NUDT2: variants seen among roughly 807,000 people sequenced by gnomAD.
NUDT2 encodes nudix hydrolase 2.
A neutral mutation model predicts 14.2 loss-of-function variants in NUDT2; 12 were observed. The observed-to-expected ratio is 0.84, with a 90% CI of 0.54 to 1.37. The LOEUF (loss-of-function observed/expected upper bound fraction) is 1.37. Ranked by LOEUF, NUDT2 falls within the 40% of genes most tolerant of loss-of-function variation. NUDT2 has a pLI of 0.00. For synonymous variants in NUDT2, 67 were observed against 67.4 expected, an observed-to-expected ratio of 0.99 and a Z score of 0.03; for missense variants, 167 against 176.7, an observed-to-expected ratio of 0.95 and a Z score of 0.31.
chr9:34,333,577 C>T (rs1359191892), intron 1 of NUDT2, among the ~76,000 whole-genome samples: 1 of 125,970 alleles, frequency 7.9e-6, no homozygotes, highest in Non-Finnish European at 1.6e-5. Flanking sequence ...GCAGTGAGCT[C>T]TTGAGGCTGC....
intron 4 of NUDT2, among the ~76,000 whole-genome samples, chr9:34,339,406 G>A (rs1004691829): frequency 5.9e-5 from 9 of 152,092 alleles, no homozygotes; most frequent in East Asian, 1.9e-4. Flanking sequence ...AGTATCATTC[G>A]CCAGCTCTCC....
chr9:34,330,747 G>T (rs1481529478), intron 1 of NUDT2, among the ~76,000 whole-genome samples: 1 of 152,030 alleles, frequency 6.6e-6, no homozygotes, highest in African/African-American at 2.4e-5. Context: ...GGATCACGAG[G>T]TCAGGAGATC....
chr9:34,331,742 A>G (rs2131851379), intron 1 of NUDT2, among the ~76,000 whole-genome samples: 1 of 152,340 alleles, frequency 6.6e-6, no homozygotes, highest in Non-Finnish European at 1.5e-5. Flanking sequence ...ATAGGATGAG[A>G]TGATCACTGA....
chr9:34,332,516 AACAG>A (rs1447023897), intron 1 of NUDT2, among the ~76,000 whole-genome samples: 2 of 152,204 alleles, frequency 1.3e-5, no homozygotes, highest in Non-Finnish European at 1.5e-5. Flanking sequence ...GGATACGCAC[AACAG>A]ACAAATTCCC....
Position 34,338,772 on chromosome 9 carries a change from G to T in NUDT2, c.-92G>T. 3.8e-6 allele frequency: 1 copy of T among 266,116 alleles called. No homozygotes were observed. The highest frequency in any genetic ancestry group is 7.2e-6 in the Non-Finnish European group (1 of 138,498). 16.5% of individuals were successfully genotyped at this position (266,116 alleles called of 1,614,324 possible). On this transcript the variant is annotated 5_prime_UTR_variant, in exon 3 of 5. The change creates a new upstream start codon in the 5' untranslated region. Transcript: ENST00000379158. ...AAACACATGCCAGCCCTGTTTTACAGGGAGCCCTGGAGGAGTTGGGATAGA... is the reference window on the plus strand; with the variant it reads ...AAACACATGCCAGCCCTGTTTTACATGGAGCCCTGGAGGAGTTGGGATAGA...
intron 4 of NUDT2, among the ~76,000 whole-genome samples, chr9:34,339,991 G>A (rs958883914): frequency 1.3e-5 from 2 of 151,716 alleles, no homozygotes; most frequent in Non-Finnish European, 2.9e-5. Flanking sequence ...CTGGAGAGCA[G>A]TGGGGCAATC....
chr9:34,331,643 C>T (rs546434241), intron 1 of NUDT2, among the ~76,000 whole-genome samples: 1 of 152,126 alleles, frequency 6.6e-6, no homozygotes, highest in East Asian at 1.9e-4. Flanking sequence ...AAATTTTCAC[C>T]GTGGTCTTGG....
chr9:34,333,644 CAAAAAAAAAAA>C (rs34830977), intron 1 of NUDT2, among the ~76,000 whole-genome samples: 119 of 47,116 alleles, frequency 2.5e-3, no homozygotes, highest in African/African-American at 8.9e-3. Context: ...GAGACATTGT[CAAAAAAAAAAA>C]AAAAAAAAAA....
In NUDT2 at chr9:34,339,015, TTTG is replaced by T. The variant is rs1232456001; in HGVS notation, c.-16-6_-16-4del. 4 of 1,598,770 alleles carry T rather than the reference TTTG, an allele frequency of 2.5e-6. No individual in the cohort carries two copies. The South Asian group carries it at 4.4e-5, about 18-fold the overall frequency. On this transcript the variant is annotated splice_region_variant and splice_polypyrimidine_tract_variant and intron_variant, in intron 3 of 4. Transcript: ENST00000379158. ...TAACTTCCCAATATTCTGTATCTTC[TTTG>T]TTAAGTCCTTAGGATAAGACCATGG...
chr9:34,329,961 A>C (rs116060961), intron 1 of NUDT2, among the ~76,000 whole-genome samples: 91 of 152,352 alleles, frequency 6.0e-4, no homozygotes, highest in African/African-American at 2.1e-3. Flanking sequence ...GTTGCTACCC[A>C]TTAAACCCCG....
intron 1 of NUDT2, among the ~76,000 whole-genome samples, chr9:34,332,553 A>G (rs1837973543): frequency 6.6e-6 from 1 of 152,214 alleles, no homozygotes; most frequent in South Asian, 2.1e-4. Flanking sequence ...CTAGAATTGT[A>G]CAGCAGATGG....
At chr9:34,330,356 G>A (rs913810641) in intron 1 of NUDT2, among the ~76,000 whole-genome samples, 9 of 152,214 alleles carry the variant, frequency 5.9e-5, no homozygotes, top group Non-Finnish European at 1.3e-4. Context: ...AGTGAGCGGA[G>A]GTCGCGCCAC....
intron 1 of NUDT2, among the ~76,000 whole-genome samples, chr9:34,330,956 G>A (rs926529625): frequency 6.6e-6 from 1 of 150,404 alleles, no homozygotes; most frequent in African/African-American, 2.5e-5. Flanking sequence ...GGGAGACTCC[G>A]TCTCAAAAAA....
Position 34,343,322 on chromosome 9 carries a change from A to G in NUDT2, c.326A>G (p.His109Arg). ...TATGACGTGGAGATCCGCCTCTCCC[A>G]TGAGCACCAAGCCTACCGCTGGCTG... is the stretch of plus-strand genomic sequence containing the variant. ...KDYDVEIRLS[H>R]EHQAYRWLGL... is the part of the protein sequence containing the mutation. The change falls in exon 5 of 5, where the codon CAT becomes CGT. Residue 109 changes from histidine (H) to arginine (R), a missense_variant. Physicochemically the swap from His to Arg is conservative, Grantham distance 29. Transcript: ENST00000379158. 6.2e-7 allele frequency: 1 copy of G among 1,613,644 alleles called. No individual in the cohort carries two copies. The highest frequency in any genetic ancestry group is 8.5e-7 in the Non-Finnish European group (1 of 1,179,922).
chr9:34,336,693 C>T (rs969575151), intron 2 of NUDT2, among the ~76,000 whole-genome samples: 1 of 152,040 alleles, frequency 6.6e-6, no homozygotes, highest in African/African-American at 2.4e-5. Context: ...AGGTGCATGC[C>T]ACCATACCTG....
Position 34,330,422 on chromosome 9 carries a change from A to C in NUDT2, c.-265+823A>C, listed in dbSNP as rs61185327. On this transcript the variant is annotated intron_variant, in intron 1 of 4. Transcript: ENST00000379158. ...TCCGTCTCAAAAACAAAACAAAACA[A>C]AAAAAAACTGAATGCAATCAAATTG... Among the ~76,000 whole-genome samples, 24 of 152,128 alleles carry C rather than the reference A, an allele frequency of 1.6e-4. No homozygotes were observed. The East Asian group carries it at 4.5e-3, about 28-fold the overall frequency.
chr9:34,330,392 G>C (rs1158074701), intron 1 of NUDT2, among the ~76,000 whole-genome samples: 1 of 152,176 alleles, frequency 6.6e-6, no homozygotes, highest in African/African-American at 2.4e-5. Flanking sequence ...GCGACAGAGC[G>C]AGACTCCGTC....
At chr9:34,330,646 C>T (rs1274392297) in intron 1 of NUDT2, among the ~76,000 whole-genome samples, 1 of 152,142 alleles carries the variant, frequency 6.6e-6, no homozygotes, top group African/African-American at 2.4e-5. Flanking sequence ...TGACACAACG[C>T]CTGGCGAGTA....
At chr9:34,329,873 A>G (rs561363922) in intron 1 of NUDT2, among the ~76,000 whole-genome samples, 51 of 152,304 alleles carry the variant, frequency 3.3e-4, no homozygotes, top group Non-Finnish European at 6.0e-4. Context: ...TCCAAATCCC[A>G]GAGGCGGGAG....
Sources: gnomAD v4.1 joint callset for allele counts (sites outside exome capture counted in the v4.1 genomes callset) on GRCh38, gnomAD v4.1.1 for gene constraint, MANE v1.5 for transcripts, NCBI Gene and HGNC (gene_info 2026-07-23, HGNC 2026-07-21) for gene names.